PLA2G4A: variants seen among roughly 807,000 people sequenced by gnomAD.
PLA2G4A encodes the protein phospholipase A2 group IVA, also known as cytosolic phospholipase A2.
In PLA2G4A, 40 loss-of-function variants were observed where a neutral mutation model predicts 81.9. That is an observed-to-expected ratio of 0.49 (90% CI 0.38 to 0.64). PLA2G4A has a LOEUF of 0.64. PLA2G4A is among the 30% of genes least tolerant of loss of function. PLA2G4A has a pLI of 0.00. For missense variants in PLA2G4A, 715 were observed against 905.1 expected, an observed-to-expected ratio of 0.79 and a Z score of 2.69; for synonymous variants, 302 against 296.9, an observed-to-expected ratio of 1.02 and a Z score of -0.18.
chr1:186,976,422 T>G (rs1053268802), intron 15 of PLA2G4A, among the ~76,000 whole-genome samples: 2 of 152,200 alleles, frequency 1.3e-5, no homozygotes, highest in African/African-American at 4.8e-5. Flanking sequence ...TTACTGGCAT[T>G]TATTTATTAA....
At chr1:186,961,676 G>A (rs570003156) in intron 14 of PLA2G4A, among the ~76,000 whole-genome samples, 104 of 152,062 alleles carry the variant, frequency 6.8e-4, no homozygotes, top group African/African-American at 2.3e-3. Flanking sequence ...GATGATAAGG[G>A]GCAAACCAAA....
intron 17 of PLA2G4A, among the ~76,000 whole-genome samples, chr1:186,982,300 T>C (rs1378917942): frequency 1.3e-5 from 2 of 152,248 alleles, no homozygotes; most frequent in Non-Finnish European, 2.9e-5. Context: ...TTATATCATC[T>C]TTAAATCTCT....
chr1:186,943,432 A>C (rs1288446202), intron 10 of PLA2G4A, among the ~76,000 whole-genome samples: 1 of 152,234 alleles, frequency 6.6e-6, no homozygotes, highest in Non-Finnish European at 1.5e-5. Context: ...GACACTTTAG[A>C]AGTACAAATA....
At chr1:186,873,220 G>A (rs1653347510) in intron 3 of PLA2G4A, among the ~76,000 whole-genome samples, 1 of 152,030 alleles carries the variant, frequency 6.6e-6, no homozygotes, top group Non-Finnish European at 1.5e-5. Flanking sequence ...GTGAGAAAAG[G>A]CACAGGTATT....
At chr1:186,974,672 A>G (rs1312276409) in intron 15 of PLA2G4A, among the ~76,000 whole-genome samples, 1 of 152,268 alleles carries the variant, frequency 6.6e-6, no homozygotes, top group Non-Finnish European at 1.5e-5. Flanking sequence ...TAGCTATCAT[A>G]GAACACAATT....
Position 186,953,395 on chromosome 1 carries a change from C to T in PLA2G4A, c.1336+2667C>T, listed in dbSNP as rs544133095. On this transcript the variant is annotated intron_variant, in intron 13 of 17. Transcript: ENST00000367466. ...ATGAGGTATCAGTTCAGGCCTTTGG[C>T]CCATTTTTGGATTGGGGTTATTTTC... Among the ~76,000 whole-genome samples the T allele has an allele frequency of 2.8e-4, 43 of 152,270 alleles. 2 individuals carry two copies. The South Asian group carries it at 8.9e-3, about 32-fold the overall frequency.
intron 3 of PLA2G4A, among the ~76,000 whole-genome samples, chr1:186,889,160 C>G (rs1013527211): frequency 6.6e-6 from 1 of 152,078 alleles, no homozygotes; most frequent in Non-Finnish European, 1.5e-5. Flanking sequence ...ATCATCCTTC[C>G]CACTCAATCT....
intron 2 of PLA2G4A, among the ~76,000 whole-genome samples, chr1:186,856,973 T>C (rs1041685762): frequency 6.8e-6 from 1 of 147,498 alleles, no homozygotes; most frequent in African/African-American, 2.5e-5. Context: ...TCAAAAAATA[T>C]GATTATTTTG....
chr1:186,834,018 G>T (rs990988328), intron 1 of PLA2G4A, among the ~76,000 whole-genome samples: 1 of 151,974 alleles, frequency 6.6e-6, no homozygotes, highest in African/African-American at 2.4e-5. Flanking sequence ...CTCTTCATTT[G>T]CTTGACTTCT....
chr1:186,871,156 A>G (rs1025496902), intron 3 of PLA2G4A, among the ~76,000 whole-genome samples: 1 of 152,156 alleles, frequency 6.6e-6, no homozygotes, highest in African/African-American at 2.4e-5. Flanking sequence ...TGGAATAGCC[A>G]TAGAAACTGG....
At position 186,832,718 on chromosome 1, in the gene PLA2G4A, A is replaced by T. The variant is rs576771884; in HGVS notation, c.-70+3683A>T. Among the ~76,000 whole-genome samples the T allele has an allele frequency of 1.7e-3, 255 of 152,286 alleles. 1 individual carries two copies. The highest frequency in any genetic ancestry group is 2.9e-3 in the Non-Finnish European group (195 of 68,010). On this transcript the variant is annotated intron_variant, in intron 1 of 17. Coordinates refer to ENST00000367466, the MANE Select transcript of PLA2G4A (RefSeq NM_024420.3). ...TGTCTCTTTCAATGTGATTTAAAAA[A>T]TTTTTCTCTTTCAATTTCAAATATG... is the stretch of plus-strand genomic sequence containing the variant.
In PLA2G4A at chr1:186,843,373, A is replaced by T. The variant is rs74912116; in HGVS notation, c.-69-10913A>T. Among the ~76,000 whole-genome samples, 255 of 152,346 alleles carry T rather than the reference A, an allele frequency of 1.7e-3. 1 individual carries two copies. Among genetic ancestry groups the T allele is most frequent in the Middle Eastern group, 6.8e-3 (2 of 294 alleles). The stretch of plus-strand genomic sequence containing the variant: ...CCTTTTGATTGTTTCTTAAGACAAG[A>T]GCACATTTATGATCTAGACAGTTTT... On this transcript the variant is annotated intron_variant, in intron 1 of 17. Transcript: ENST00000367466.
chr1:186,938,812 T>A (rs1442706128), intron 8 of PLA2G4A, among the ~76,000 whole-genome samples, 196 bp from the exon 9 acceptor site: 1 of 152,206 alleles, frequency 6.6e-6, no homozygotes, highest in Non-Finnish European at 1.5e-5. Flanking sequence ...CACCTCTTTT[T>A]TTCTTTACCT....
At chr1:186,849,991 A>G (rs771227734) in intron 1 of PLA2G4A, among the ~76,000 whole-genome samples, 2 of 152,150 alleles carry the variant, frequency 1.3e-5, no homozygotes, top group Non-Finnish European at 2.9e-5. Context: ...TGGCTTTAGC[A>G]TAGAAAGCAA....
chr1:186,965,695 AT>A (rs1271844017), intron 15 of PLA2G4A, 102 bp downstream of exon 15: 2 of 842,058 alleles, frequency 2.4e-6, no homozygotes, highest in Non-Finnish European at 4.1e-6. Context: ...CCTTTAATGT[AT>A]TTTCTACATC....
intron 15 of PLA2G4A, among the ~76,000 whole-genome samples, chr1:186,966,220 G>T (rs1244524060): frequency 6.6e-6 from 1 of 152,022 alleles, no homozygotes; most frequent in Non-Finnish European, 1.5e-5. Flanking sequence ...AACTGTGTGT[G>T]TGGGTGGTTG....
rs1558339280 is a variant in PLA2G4A at position 186,830,974 on chromosome 1, CTTTCTT to C, written c.-70+1941_-70+1946del. On this transcript the variant is annotated intron_variant, in intron 1 of 17. Coordinates refer to ENST00000367466, the MANE Select transcript of PLA2G4A (RefSeq NM_024420.3). Reference sequence around the variant, plus strand: ...GCTTGCTTGCTTTCTTTCTTTCTTTCTTTCTTTCTTTCTTTCTTTCTTTCTTTCTTT... The same window carrying C: ...GCTTGCTTGCTTTCTTTCTTTCTTTCTCTTTCTTTCTTTCTTTCTTTCTTT... Among the ~76,000 whole-genome samples the C allele has an allele frequency of 2.7e-3, 369 of 137,136 alleles. 1 individual carries two copies. Among genetic ancestry groups the C allele is most frequent in the East Asian group, 0.015 (66 of 4,502 alleles). The allele number at this position is 137,136 out of a possible 152,430, so 90.0% of individuals were successfully genotyped here.
intron 3 of PLA2G4A, among the ~76,000 whole-genome samples, chr1:186,873,063 T>C (rs1558387096): frequency 6.6e-6 from 1 of 152,002 alleles, no homozygotes; most frequent in Non-Finnish European, 1.5e-5. Context: ...TATATCACCT[T>C]AATGAGTGCA....
At chr1:186,892,621 C>T (rs1654185479) in intron 3 of PLA2G4A, among the ~76,000 whole-genome samples, 1 of 152,104 alleles carries the variant, frequency 6.6e-6, no homozygotes, top group African/African-American at 2.4e-5. Context: ...GTGCATTTGT[C>T]TCTAGCTTTA....
Sources: gnomAD v4.1 joint callset for allele counts (sites outside exome capture counted in the v4.1 genomes callset) on GRCh38, gnomAD v4.1.1 for gene constraint, MANE v1.5 for transcripts, NCBI Gene and HGNC (gene_info 2026-07-23, HGNC 2026-07-21) for gene names.